VPS13B: variants seen among roughly 807,000 people sequenced by gnomAD.
The protein encoded by VPS13B is vacuolar protein sorting 13 homolog B.
VPS13B carries 285 observed loss-of-function variants against 426.4 expected under a neutral mutation model. The ratio of observed to expected loss-of-function variants is 0.67; its 90% CI spans 0.61 to 0.74. The LOEUF (loss-of-function observed/expected upper bound fraction) is 0.74. VPS13B is among the 30% of genes least tolerant of loss of function. The pLI, the probability that VPS13B is intolerant of heterozygous loss-of-function variation, is 0.00. For synonymous variants in VPS13B, 1,676 were observed against 1,676.4 expected, an observed-to-expected ratio of 1.00 and a Z score of 0.01; for missense variants, 4,537 against 4,782.6, an observed-to-expected ratio of 0.95 and a Z score of 1.51.
intron 19 of VPS13B, among the ~76,000 whole-genome samples, chr8:99,278,092 G>A (rs1818987743): frequency 6.6e-6 from 1 of 152,142 alleles, no homozygotes; most frequent in South Asian, 2.1e-4. Flanking sequence ...CGGTGAGGTT[G>A]TTAATGAACT....
At chr8:99,508,480 T>G (rs753723724) in intron 28 of VPS13B, among the ~76,000 whole-genome samples, 2 of 152,170 alleles carry the variant, frequency 1.3e-5, no homozygotes, top group Non-Finnish European at 2.9e-5. Flanking sequence ...AAAGTTAACT[T>G]TGTTCTTAAA....
intron 17 of VPS13B, among the ~76,000 whole-genome samples, chr8:99,235,733 T>G (rs1052572594): frequency 1.3e-4 from 20 of 152,234 alleles, no homozygotes; most frequent in Admixed American, 1.2e-3. Flanking sequence ...TTCAACATAA[T>G]TTATTACACA....
chr8:99,091,439 C>A (rs1272287654), intron 3 of VPS13B, among the ~76,000 whole-genome samples: 1 of 152,074 alleles, frequency 6.6e-6, no homozygotes, highest in African/African-American at 2.4e-5. Context: ...CTTTTTTCCA[C>A]CCTTGATAGA....
chr8:99,360,374 T>C lies in VPS13B; in HGVS notation c.2825-23834T>C, dbSNP rs1235191717. Reference sequence around the variant, plus strand: ...CTCAGTGCAAGCTCCGCCTCCCGGGTTCATTCCATTCTCCTGCCTCAGCCT... The same window carrying C: ...CTCAGTGCAAGCTCCGCCTCCCGGGCTCATTCCATTCTCCTGCCTCAGCCT... On this transcript the variant is annotated intron_variant, in intron 19 of 61. Transcript: ENST00000357162. 5.3e-5 allele frequency among the ~76,000 whole-genome samples: 8 copies of C among 150,644 alleles called. No homozygotes were observed. The Admixed American group carries it at 5.3e-4, about 10-fold the overall frequency.
intron 34 of VPS13B, among the ~76,000 whole-genome samples, 162 bp from the exon 35 acceptor site, chr8:99,661,192 C>T (rs1326292197): frequency 6.6e-6 from 1 of 152,060 alleles, no homozygotes; most frequent in Non-Finnish European, 1.5e-5. Flanking sequence ...TCTTTTTCAG[C>T]GCGAGTGCTT....
intron 21 of VPS13B, among the ~76,000 whole-genome samples, chr8:99,425,220 C>T (rs546565536): frequency 3.7e-4 from 57 of 152,176 alleles, no homozygotes; most frequent in Non-Finnish European, 7.9e-4. Flanking sequence ...TTTTGTGAGT[C>T]CAGCATCATC....
chr8:99,514,792 G>T (rs983373676), intron 29 of VPS13B, among the ~76,000 whole-genome samples: 1 of 152,138 alleles, frequency 6.6e-6, no homozygotes. Context: ...TTTTTTTGGG[G>T]TGTACACCTA....
chr8:99,799,309 TG>T (rs1813010181), intron 43 of VPS13B: 1 of 152,234 alleles, frequency 6.6e-6, no homozygotes, highest in Admixed American at 6.5e-5. Context: ...TCCATACTTC[TG>T]GAGTCAGGGA....
intron 55 of VPS13B, among the ~76,000 whole-genome samples, chr8:99,849,691 G>A (rs1466013182): frequency 6.6e-6 from 1 of 152,148 alleles, no homozygotes; most frequent in Non-Finnish European, 1.5e-5. Flanking sequence ...GATGTACACA[G>A]TGAGAGATAT....
chr8:99,623,790 G>A (rs1828469874), intron 33 of VPS13B, among the ~76,000 whole-genome samples: 1 of 151,972 alleles, frequency 6.6e-6, no homozygotes, highest in Non-Finnish European at 1.5e-5. Flanking sequence ...AAGTTTCACT[G>A]GCTTTGGTAG....
chr8:99,041,356 C>G (rs188209353), intron 3 of VPS13B, among the ~76,000 whole-genome samples: 1 of 152,158 alleles, frequency 6.6e-6, no homozygotes, highest in Non-Finnish European at 1.5e-5. Flanking sequence ...ATTCATGACA[C>G]ATCATGTCCA....
chr8:99,367,480 C>T (rs974052044), intron 19 of VPS13B, among the ~76,000 whole-genome samples: 11 of 152,190 alleles, frequency 7.2e-5, no homozygotes, highest in South Asian at 2.1e-4. Context: ...TGTCTTCTTT[C>T]GGTCAGATCT....
chr8:99,625,778 C>T (rs1236080893), intron 33 of VPS13B, among the ~76,000 whole-genome samples: 3 of 151,908 alleles, frequency 2.0e-5, no homozygotes, highest in East Asian at 1.9e-4. Context: ...CCCAGGAAGC[C>T]GAGGCTGCAG....
intron 19 of VPS13B, among the ~76,000 whole-genome samples, chr8:99,371,528 C>A (rs763034967): frequency 6.6e-6 from 1 of 152,180 alleles, no homozygotes; most frequent in Non-Finnish European, 1.5e-5. Flanking sequence ...GTGATGCCTC[C>A]AGCTTTGTTC....
intron 34 of VPS13B, among the ~76,000 whole-genome samples, chr8:99,648,990 G>A (rs1043328285): frequency 1.3e-5 from 2 of 151,626 alleles, no homozygotes; most frequent in Non-Finnish European, 2.9e-5. Flanking sequence ...ATTTTTGCTG[G>A]ATGTAAAATT....
chr8:99,219,306 C>T (rs1244498782), intron 17 of VPS13B, among the ~76,000 whole-genome samples: 5 of 152,114 alleles, frequency 3.3e-5, no homozygotes, highest in South Asian at 4.2e-4. Flanking sequence ...AGCAGTAGCA[C>T]GATGTATACC....
intron 36 of VPS13B, among the ~76,000 whole-genome samples, chr8:99,709,697 A>T (rs1228170644): frequency 6.6e-6 from 1 of 152,354 alleles, no homozygotes; most frequent in East Asian, 1.9e-4. Context: ...GGAAATGTAG[A>T]AAGAAGAAGT....
chr8:99,314,597 T>A (rs1821204894), intron 19 of VPS13B, among the ~76,000 whole-genome samples: 1 of 152,146 alleles, frequency 6.6e-6, no homozygotes, highest in Non-Finnish European at 1.5e-5. Flanking sequence ...ACTACAGGTG[T>A]GCATCACTGT....
chr8:99,151,351 C>A (rs1811069824), intron 14 of VPS13B, among the ~76,000 whole-genome samples: 1 of 151,982 alleles, frequency 6.6e-6, no homozygotes, highest in Non-Finnish European at 1.5e-5. Flanking sequence ...CTGTATTTTG[C>A]AGAGCAGAAA....
Sources: allele counts gnomAD v4.1 joint callset (sites outside exome capture counted in the v4.1 genomes callset), GRCh38; gene constraint gnomAD v4.1.1; transcripts MANE v1.5; gene names NCBI Gene and HGNC (gene_info 2026-07-23, HGNC 2026-07-21).